The following DCDC2 variants were observed in gnomAD, a reference collection of about 807,000 sequenced individuals.
The protein encoded by DCDC2 is doublecortin domain-containing protein 2.
DCDC2 carries 40 observed loss-of-function variants against 50.2 expected under a neutral mutation model. The ratio of observed to expected loss-of-function variants is 0.80; its 90% CI spans 0.62 to 1.04. The LOEUF (loss-of-function observed/expected upper bound fraction) is 1.04, where lower values mean the gene tolerates loss of function less well. DCDC2 is among the 50% of genes least tolerant of loss of function. DCDC2 has a pLI of 0.00. For synonymous variants in DCDC2, 234 were observed against 210.6 expected (o/e 1.11, Z -0.96); for missense variants, 570 against 581.9 (o/e 0.98, Z 0.21).
At chr6:24,235,810 A>G (rs1762430534) in intron 7 of DCDC2, among the ~76,000 whole-genome samples, 1 of 152,198 alleles carries the variant, frequency 6.6e-6, no homozygotes, top group Non-Finnish European at 1.5e-5. Context: ...CTACACACCA[A>G]TAATGTACAA....
chr6:24,175,372 G>T (rs867870622), intron 9 of DCDC2, among the ~76,000 whole-genome samples: 2 of 152,098 alleles, frequency 1.3e-5, no homozygotes, highest in African/African-American at 4.8e-5. Flanking sequence ...TGTTAATAAT[G>T]ACATTGTCTC....
At chr6:24,190,811 T>C (rs1761297805) in intron 8 of DCDC2, among the ~76,000 whole-genome samples, 1 of 152,216 alleles carries the variant, frequency 6.6e-6, no homozygotes, top group Non-Finnish European at 1.5e-5. Flanking sequence ...TAAGAGTATA[T>C]GACTTGAAAA....
At chr6:24,230,377 C>T (rs1309749582) in intron 7 of DCDC2, among the ~76,000 whole-genome samples, 1 of 152,106 alleles carries the variant, frequency 6.6e-6, no homozygotes, top group Non-Finnish European at 1.5e-5. Context: ...TGTGGTGGCT[C>T]AAGCCTATAA....
chr6:24,369,433 AC>A, the DCDC2 span, among the ~76,000 whole-genome samples: 1 of 152,034 alleles, frequency 6.6e-6, no homozygotes, highest in African/African-American at 2.4e-5. Flanking sequence ...ACATGGTGAT[AC>A]CCCGTCTTTA....
At chr6:24,348,692 C>T (rs1398469113) in intron 2 of DCDC2, among the ~76,000 whole-genome samples, 2 of 152,142 alleles carry the variant, frequency 1.3e-5, no homozygotes. Flanking sequence ...GGCTAAAAAA[C>T]AAAAGGGTCT....
chr6:24,191,615 A>G lies in DCDC2; in HGVS notation c.1024-12983T>C, dbSNP rs75896424. ...GGTGCCAGCCAAAGAAGATTCCCTC[A>G]TAGAAAATCTGCCCACAGGCTACCA... On this transcript the variant is annotated intron_variant, in intron 8 of 9. Coordinates refer to ENST00000378454, the MANE Select transcript of DCDC2 (RefSeq NM_016356.5). Among the ~76,000 whole-genome samples the G allele has an allele frequency of 7.9e-5, 12 of 152,304 alleles. No homozygotes were observed. In the East Asian group the frequency reaches 2.3e-3, roughly 29 times the overall value.
At chr6:24,346,377 G>A (rs1760254946) in intron 2 of DCDC2, among the ~76,000 whole-genome samples, 1 of 152,102 alleles carries the variant, frequency 6.6e-6, no homozygotes, top group Non-Finnish European at 1.5e-5. Context: ...TTTTAAGAGT[G>A]GGGAAGTACA....
chr6:24,346,264 A>T (rs1334235959), intron 2 of DCDC2, among the ~76,000 whole-genome samples: 1 of 152,188 alleles, frequency 6.6e-6, no homozygotes, highest in African/African-American at 2.4e-5. Flanking sequence ...AATGTGGAGT[A>T]GGGGTAGTAC....
At chr6:24,221,295 T>C (rs11962116) in intron 7 of DCDC2, among the ~76,000 whole-genome samples, 12,026 of 152,202 alleles carry the variant, frequency 0.079, 763 homozygotes, top group African/African-American at 0.17. Flanking sequence ...GCTCTGCAAC[T>C]AGACCCCTCA....
chr6:24,319,859 C>A (rs891708046), intron 2 of DCDC2, among the ~76,000 whole-genome samples: 1 of 152,034 alleles, frequency 6.6e-6, no homozygotes, highest in Non-Finnish European at 1.5e-5. Flanking sequence ...ACCCTTCTCT[C>A]AGTATATATT....
chr6:24,241,292 C>T (rs1762556959), intron 7 of DCDC2, among the ~76,000 whole-genome samples: 1 of 152,172 alleles, frequency 6.6e-6, no homozygotes, highest in Non-Finnish European at 1.5e-5. Flanking sequence ...TACACTTTTA[C>T]ATTGCTGCAT....
chr6:24,195,467 A>G (rs1389505259), intron 8 of DCDC2, among the ~76,000 whole-genome samples: 1 of 152,224 alleles, frequency 6.6e-6, no homozygotes, highest in Non-Finnish European at 1.5e-5. Context: ...CACAATGGGA[A>G]GTAAACTTGC....
At chr6:24,227,289 G>A (rs766521719) in intron 7 of DCDC2, among the ~76,000 whole-genome samples, 1 of 152,080 alleles carries the variant, frequency 6.6e-6, no homozygotes, top group Non-Finnish European at 1.5e-5. Context: ...GATCAGAGAG[G>A]GTGAAAATTA....
chr6:24,328,348 A>G (rs563851772), intron 2 of DCDC2, among the ~76,000 whole-genome samples: 9 of 152,362 alleles, frequency 5.9e-5, no homozygotes, highest in African/African-American at 1.9e-4. Context: ...TCTATAAGGA[A>G]TATCAAACTG....
chr6:24,230,660 AAACAT>A (rs991656647), intron 7 of DCDC2, among the ~76,000 whole-genome samples: 3 of 150,566 alleles, frequency 2.0e-5, no homozygotes, highest in Admixed American at 6.6e-5. Flanking sequence ...AAACAAAACA[AAACAT>A]AACAAAAACT....
At chr6:24,220,956 AATG>A (rs1363693447) in intron 7 of DCDC2, among the ~76,000 whole-genome samples, 1 of 32,528 alleles carries the variant, frequency 3.1e-5, no homozygotes, top group Non-Finnish European at 5.5e-5. Flanking sequence ...GTCACTTTTA[AATG>A]ATAAGATCTC....
At chr6:24,275,037 A>ATT (rs140492036) in intron 7 of DCDC2, among the ~76,000 whole-genome samples, 7 of 152,024 alleles carry the variant, frequency 4.6e-5, no homozygotes, top group African/African-American at 9.6e-5. Context: ...AAATTTTTGC[A>ATT]TTTTTTTACA....
At chr6:24,214,297 G>A (rs1761932484) in intron 7 of DCDC2, among the ~76,000 whole-genome samples, 1 of 152,110 alleles carries the variant, frequency 6.6e-6, no homozygotes, top group South Asian at 2.1e-4. Context: ...TTAAATAGGT[G>A]TAGCAAAATA....
At chr6:24,369,608 C>CA in the DCDC2 span, among the ~76,000 whole-genome samples, 59 of 133,400 alleles carry the variant, frequency 4.4e-4, no homozygotes, top group Non-Finnish European at 5.2e-4. Context: ...GACTCCGTCT[C>CA]AAAAAAAAAA....
Sources: allele counts gnomAD v4.1 joint callset (sites outside exome capture counted in the v4.1 genomes callset), GRCh38; gene constraint gnomAD v4.1.1; transcripts MANE v1.5; gene names NCBI Gene and HGNC (gene_info 2026-07-23, HGNC 2026-07-21).